Variants in NRG3 observed in about 807,000 individuals in gnomAD.
NRG3 encodes the protein pro-neuregulin-3, membrane-bound isoform.
In NRG3, 31 loss-of-function variants were observed where a neutral mutation model predicts 66.9. The ratio of observed to expected loss-of-function variants is 0.46; its 90% CI spans 0.35 to 0.63. NRG3 has a LOEUF of 0.63. Among genes scored for constraint, NRG3 ranks in the 20% least tolerant of loss-of-function variants. NRG3 has a pLI of 0.00. For missense variants in NRG3, 910 were observed against 878.9 expected (o/e 1.04, Z -0.45); for synonymous variants, 393 against 359.4 (o/e 1.09, Z -1.06).
intron 2 of NRG3, among the ~76,000 whole-genome samples, chr10:82,722,736 G>A (rs2057382310): frequency 6.6e-6 from 1 of 152,064 alleles, no homozygotes; most frequent in Admixed American, 6.6e-5. Context: ...TTTAGATATG[G>A]AGCATTGATT....
chr10:82,626,673 G>A (rs1418935118), intron 2 of NRG3, among the ~76,000 whole-genome samples: 1 of 152,014 alleles, frequency 6.6e-6, no homozygotes, highest in East Asian at 1.9e-4. Context: ...TGAGTGTTTG[G>A]GACCCATTTC....
chr10:82,288,126 A>G (rs2079527767), intron 1 of NRG3, among the ~76,000 whole-genome samples: 1 of 152,136 alleles, frequency 6.6e-6, no homozygotes, highest in Non-Finnish European at 1.5e-5. Flanking sequence ...TTTTTGATGA[A>G]TGTGAATTTC....
intron 3 of NRG3, among the ~76,000 whole-genome samples, chr10:82,787,868 G>C (rs1271141355): frequency 6.6e-6 from 1 of 152,178 alleles, no homozygotes; most frequent in Non-Finnish European, 1.5e-5. Context: ...ATGGTGGGGA[G>C]AACCACTTGG....
intron 3 of NRG3, among the ~76,000 whole-genome samples, chr10:82,854,773 C>A (rs2063725669): frequency 6.6e-6 from 1 of 152,168 alleles, no homozygotes; most frequent in Non-Finnish European, 1.5e-5. Context: ...TGAGTCCTAA[C>A]CTAAGAGTAC....
chr10:82,027,893 G>A (rs1006749211), intron 1 of NRG3, among the ~76,000 whole-genome samples: 4 of 152,082 alleles, frequency 2.6e-5, no homozygotes, highest in Non-Finnish European at 5.9e-5. Flanking sequence ...GAATAGTCAG[G>A]AAACAAGTTA....
intron 1 of NRG3, among the ~76,000 whole-genome samples, chr10:81,958,895 A>T (rs1850090872): frequency 6.6e-6 from 1 of 151,492 alleles, no homozygotes; most frequent in Non-Finnish European, 1.5e-5. Context: ...TGTCTCAAAG[A>T]AAAAAAAATA....
chr10:82,036,090 T>A (rs2062780305), intron 1 of NRG3, among the ~76,000 whole-genome samples: 1 of 152,094 alleles, frequency 6.6e-6, no homozygotes, highest in African/African-American at 2.4e-5. Context: ...TGATTTTCAT[T>A]CTCAGTACCA....
At chr10:82,441,484 A>T (rs1482183614) in intron 2 of NRG3, among the ~76,000 whole-genome samples, 1 of 152,188 alleles carries the variant, frequency 6.6e-6, no homozygotes, top group African/African-American at 2.4e-5. Flanking sequence ...AGTCACTTTC[A>T]TTCGGAAACT....
At chr10:82,575,090 C>A (rs755198293) in intron 2 of NRG3, among the ~76,000 whole-genome samples, 11 of 151,588 alleles carry the variant, frequency 7.3e-5, no homozygotes, top group Non-Finnish European at 1.3e-4. Flanking sequence ...GAAATAAAAG[C>A]TAAGTATGAG....
At chr10:82,773,308 G>A (rs561017442) in intron 3 of NRG3, among the ~76,000 whole-genome samples, 1 of 152,074 alleles carries the variant, frequency 6.6e-6, no homozygotes, top group Non-Finnish European at 1.5e-5. Context: ...TTATATCCTA[G>A]TGATTTTAAT....
chr10:81,909,004 A>G (rs1343480110), intron 1 of NRG3, among the ~76,000 whole-genome samples: 1 of 152,152 alleles, frequency 6.6e-6, no homozygotes, highest in Non-Finnish European at 1.5e-5. Flanking sequence ...TTAAAACAAT[A>G]GAAGTGTATT....
At chr10:82,187,984 G>A (rs751020588) in intron 1 of NRG3, among the ~76,000 whole-genome samples, 10 of 151,754 alleles carry the variant, frequency 6.6e-5, no homozygotes, top group African/African-American at 1.2e-4. Context: ...AAATGTATAT[G>A]GAACCACAAA....
intron 3 of NRG3, among the ~76,000 whole-genome samples, chr10:82,841,264 A>G (rs1453230110): frequency 6.6e-6 from 1 of 152,234 alleles, no homozygotes; most frequent in African/African-American, 2.4e-5. Flanking sequence ...TCTAGCCTCT[A>G]GAATTGTCAA....
chr10:82,755,960 A>G (rs1300426300), intron 3 of NRG3, among the ~76,000 whole-genome samples: 1 of 152,108 alleles, frequency 6.6e-6, no homozygotes, highest in Non-Finnish European at 1.5e-5. Context: ...AATATTTCAT[A>G]CAAGTGTTCT....
At position 82,352,154 on chromosome 10, in the gene NRG3, G is replaced by C. The variant is rs138797177; in HGVS notation, c.824-6585G>C. On this transcript the variant is annotated intron_variant, in intron 1 of 8. Coordinates refer to ENST00000372141, the MANE Select transcript of NRG3 (RefSeq NM_001010848.4). ...TTACTGAATAACTATTGGATAGCAG[G>C]TGATGAGTTAGTTATTAGGAATACA... Among the ~76,000 whole-genome samples, 1,200 of 152,282 alleles carry C rather than the reference G, an allele frequency of 7.9e-3. 13 individuals carry two copies. Among genetic ancestry groups the C allele is most frequent in the African/African-American group, 0.024 (988 of 41,556 alleles).
intron 2 of NRG3, among the ~76,000 whole-genome samples, chr10:82,561,502 A>G (rs1214166509): frequency 1.1e-4 from 17 of 152,118 alleles, no homozygotes. Context: ...AAATACAACA[A>G]ATTAGCCGGG....
Position 82,737,193 on chromosome 10 carries a change from G to A in NRG3, c.954-1384G>A, listed in dbSNP as rs191329048. On this transcript the variant is annotated intron_variant, in intron 2 of 8. Coordinates refer to ENST00000372141, the MANE Select transcript of NRG3 (RefSeq NM_001010848.4). ...ATTTCAGTAACATGTTGGATATCTG[G>A]AATATCCATATATTGGAGGTCTGTG... is the stretch of plus-strand genomic sequence containing the variant. 4.4e-4 allele frequency among the ~76,000 whole-genome samples: 67 copies of A among 152,164 alleles called. No individual in the cohort carries two copies. In the East Asian group the frequency reaches 0.01, roughly 23 times the overall value.
At chr10:81,985,018 A>C (rs1397740742) in intron 1 of NRG3, among the ~76,000 whole-genome samples, 1 of 152,242 alleles carries the variant, frequency 6.6e-6, no homozygotes, top group Non-Finnish European at 1.5e-5. Flanking sequence ...GTATGCAAAG[A>C]TTTACACATG....
intron 1 of NRG3, among the ~76,000 whole-genome samples, chr10:82,004,807 C>T (rs1009337371): frequency 4.6e-5 from 7 of 152,222 alleles, no homozygotes; most frequent in South Asian, 4.2e-4. Context: ...CATGGGAAGA[C>T]GCTGGGAGAT....
Sources: gnomAD v4.1 joint callset for allele counts (sites outside exome capture counted in the v4.1 genomes callset) on GRCh38, gnomAD v4.1.1 for gene constraint, MANE v1.5 for transcripts, NCBI Gene and HGNC (gene_info 2026-07-23, HGNC 2026-07-21) for gene names.